EML1: variants seen among roughly 807,000 people sequenced by gnomAD.
The protein encoded by EML1 is EMAP like 1.
EML1 carries 27 observed loss-of-function variants against 110.4 expected under a neutral mutation model. The observed-to-expected ratio is 0.24, with a 90% CI of 0.18 to 0.34. The LOEUF (loss-of-function observed/expected upper bound fraction) is 0.34, where lower values mean the gene tolerates loss of function less well. EML1 is among the 10% of genes least tolerant of loss of function. The pLI is 1.00. For synonymous variants in EML1, 344 were observed against 385.8 expected (o/e 0.89, Z 1.27); for missense variants, 741 against 1,030.9 (o/e 0.72, Z 3.85).
At chr14:99,884,571 G>T (rs1032711292) in intron 4 of EML1, among the ~76,000 whole-genome samples, 2 of 152,172 alleles carry the variant, frequency 1.3e-5, no homozygotes, top group Non-Finnish European at 2.9e-5. Context: ...ATGGTAAAGG[G>T]TCTGCACAGG....
rs764402431 is a variant in EML1 at position 99,894,682 on chromosome 14, C to G, written c.601C>G (p.Pro201Ala). Residue 201 changes from proline to alanine, a missense_variant, in exon 6 of 22, where the codon CCC (proline) becomes GCC (alanine). By Grantham distance (27) the Pro-to-Ala change is conservative. Coordinates refer to ENST00000262233, the MANE Select transcript of EML1 (RefSeq NM_004434.3). The stretch of plus-strand genomic sequence containing the variant: ...TGGACGCCCTGTTACCATGTACATG[C>G]CCAAAGATCAAGTGGATTCTTACAG... The part of the protein sequence containing the change: ...LRGRPVTMYM[P>A]KDQVDSYSLE... The G allele has an allele frequency of 1.2e-6, 2 of 1,613,684 alleles. No homozygotes were observed. Among genetic ancestry groups the G allele is most frequent in the Non-Finnish European group, 1.7e-6 (2 of 1,179,842 alleles).
intron 1 of EML1, among the ~76,000 whole-genome samples, chr14:99,755,651 C>T (rs2057242129): frequency 6.6e-6 from 1 of 152,172 alleles, no homozygotes; most frequent in Non-Finnish European, 1.5e-5. Context: ...ATTCCGTGGT[C>T]ACTTGCCCTC....
intron 1 of EML1, among the ~76,000 whole-genome samples, chr14:99,814,668 A>G (rs887293438): frequency 1.6e-4 from 25 of 152,212 alleles, no homozygotes; most frequent in African/African-American, 5.8e-4. Context: ...AGTTAAAGCT[A>G]TTTTACAGAG....
chr14:99,939,968 C>T lies in EML1; in HGVS notation c.2323-19C>T, dbSNP rs751374843. ...CGCCTTGTAGTAAAGGAAGCTTTCC[C>T]CCGTATCATTCCCTCCAGGCTCCAA... On this transcript the variant is annotated intron_variant, in intron 21 of 21. Transcript: ENST00000262233. The surrounding 1 kb of genome is among the most constrained non-coding windows in gnomAD (Gnocchi z 4.2). 6 of 1,539,342 alleles carry T rather than the reference C, an allele frequency of 3.9e-6. No homozygotes were observed. Among genetic ancestry groups the T allele is most frequent in the African/African-American group, 1.4e-5 (1 of 71,900 alleles).
intron 1 of EML1, among the ~76,000 whole-genome samples, chr14:99,787,597 C>G (rs1463976496): frequency 6.6e-6 from 1 of 152,158 alleles, no homozygotes; most frequent in African/African-American, 2.4e-5. Flanking sequence ...AGATTCTATA[C>G]TAACTGTATT....
intron 6 of EML1, among the ~76,000 whole-genome samples, 168 bp from the exon 7 acceptor site, chr14:99,896,977 T>TG (rs2059681186): frequency 6.6e-6 from 1 of 152,290 alleles, no homozygotes; most frequent in Non-Finnish European, 1.5e-5. Flanking sequence ...GCATGCCTTT[T>TG]GGGGGTCACA....
chr14:99,918,749 A>G (rs1403904396), intron 16 of EML1, among the ~76,000 whole-genome samples: 1 of 152,150 alleles, frequency 6.6e-6, no homozygotes, highest in Admixed American at 6.5e-5. Context: ...CAGGAGTTCG[A>G]GGCTGCATCG....
chr14:99,852,726 GT>G (rs911216729), intron 2 of EML1, among the ~76,000 whole-genome samples: 2 of 151,758 alleles, frequency 1.3e-5, no homozygotes, highest in Admixed American at 6.6e-5. Context: ...GCGTCTTTGA[GT>G]TTTTTTTTCT....
chr14:99,776,499 A>ACCC (rs2140209474), intron 1 of EML1, among the ~76,000 whole-genome samples: 3 of 149,570 alleles, frequency 2.0e-5, no homozygotes, highest in African/African-American at 7.5e-5. Context: ...GCGAGACTCC[A>ACCC]TCTCAAAAAA....
At chr14:99,774,315 G>T (rs920692989) in intron 1 of EML1, among the ~76,000 whole-genome samples, 1 of 152,134 alleles carries the variant, frequency 6.6e-6, no homozygotes, top group Non-Finnish European at 1.5e-5. Flanking sequence ...ACCCTAACCC[G>T]CATCCACGCT....
chr14:99,878,970 C>T (rs2059341285), intron 4 of EML1, among the ~76,000 whole-genome samples: 1 of 152,174 alleles, frequency 6.6e-6, no homozygotes, highest in Non-Finnish European at 1.5e-5. Context: ...ACTCTCCTGA[C>T]CTTTTTAAGT....
chr14:99,765,706 G>T (rs1173097406), intron 1 of EML1, among the ~76,000 whole-genome samples: 1 of 152,016 alleles, frequency 6.6e-6, no homozygotes, highest in Non-Finnish European at 1.5e-5. Context: ...CTAGGCGCAG[G>T]TGATTCTCAT....
intron 1 of EML1, among the ~76,000 whole-genome samples, chr14:99,811,703 TAAG>T (rs2058083486): frequency 6.7e-6 from 1 of 150,116 alleles, no homozygotes; most frequent in Non-Finnish European, 1.5e-5. Flanking sequence ...CCCAGCTACT[TAAG>T]AGGCTGGGGT....
At chr14:99,794,586 TC>T (rs2139666648) in intron 1 of EML1, among the ~76,000 whole-genome samples, 1 of 152,358 alleles carries the variant, frequency 6.6e-6, no homozygotes, top group East Asian at 1.9e-4. Flanking sequence ...TGTTGATTCA[TC>T]CTCTGTAGTG....
At chr14:99,809,427 G>A (rs557710062) in intron 1 of EML1, 13 of 322,122 alleles carry the variant, frequency 4.0e-5, no homozygotes, top group South Asian at 7.8e-5. Context: ...TTGCAGTAGC[G>A]CATACTTACT....
Position 99,784,280 on chromosome 14 carries a change from A to G in EML1, c.-27+10267A>G, listed in dbSNP as rs2057576041. ...GCTAATTTTTGTGTTTTGTATAGAA[A>G]CAAGGTTTCACCATGTTGCCCAGGC... On this transcript the variant is annotated intron_variant, in intron 1 of 22. Coordinates refer to the EML1 transcript ENST00000327921. This position sits in a 1 kb window ranked among gnomAD's most constrained non-coding sequence, Gnocchi z 4.5. Among the ~76,000 whole-genome samples, 1 of 152,142 alleles carries G rather than the reference A, an allele frequency of 6.6e-6. No homozygotes were observed. The highest frequency in any genetic ancestry group is 1.5e-5 in the Non-Finnish European group (1 of 68,010).
chr14:99,762,071 TCA>T (rs2057319913), intron 1 of EML1, among the ~76,000 whole-genome samples: 1 of 152,112 alleles, frequency 6.6e-6, no homozygotes, highest in South Asian at 2.1e-4. Context: ...GCTGATGGGC[TCA>T]GTGGCTGAAC....
chr14:99,921,002 C>T, intron 17 of EML1, 125 bp downstream of exon 17: 1 of 807,468 alleles, frequency 1.2e-6, no homozygotes, highest in Non-Finnish European at 1.9e-6. Context: ...GTTTAACGCA[C>T]AGATCAACCC....
At chr14:99,752,301 G>C (rs1333458348) in intron 1 of EML1, among the ~76,000 whole-genome samples, 1 of 152,002 alleles carries the variant, frequency 6.6e-6, no homozygotes, top group Non-Finnish European at 1.5e-5. Flanking sequence ...TGGAAATGAT[G>C]ACACACACCC....
Sources: allele counts gnomAD v4.1 joint callset (sites outside exome capture counted in the v4.1 genomes callset), GRCh38; gene constraint gnomAD v4.1.1; non-coding constraint Gnocchi (gnomAD v3.1); transcripts MANE v1.5; gene names NCBI Gene and HGNC (gene_info 2026-07-23, HGNC 2026-07-21).